The following ODR4 variants were observed in gnomAD, a reference collection of about 807,000 sequenced individuals.
ODR4 encodes protein odr-4 homolog.
Under a neutral mutation model 60.2 loss-of-function variants are expected in ODR4, and 47 were observed. That is an observed-to-expected ratio of 0.78 (90% CI 0.62 to 1.00). The LOEUF (loss-of-function observed/expected upper bound fraction) is 1.00, where lower values mean the gene tolerates loss of function less well. Ranked by LOEUF, ODR4 falls within the 50% of genes least tolerant of loss-of-function variation. The pLI is 0.00. For synonymous variants in ODR4, 178 were observed against 175.5 expected, an observed-to-expected ratio of 1.01 and a Z score of -0.11; for missense variants, 488 against 530.8, an observed-to-expected ratio of 0.92 and a Z score of 0.79.
chr1:186,427,658 A>C, the ODR4 span, among the ~76,000 whole-genome samples: 1 of 152,258 alleles, frequency 6.6e-6, no homozygotes, highest in East Asian at 1.9e-4. Context: ...TGACATGTAG[A>C]ATGATTAAGC....
chr1:186,430,766 A>G, the ODR4 span, among the ~76,000 whole-genome samples: 1 of 152,124 alleles, frequency 6.6e-6, no homozygotes, highest in Admixed American at 6.5e-5. Context: ...TTTGATCTTT[A>G]AGTGGGAACA....
chr1:186,407,700 G>A (rs1193421367), intron 12 of ODR4, among the ~76,000 whole-genome samples: 1 of 152,076 alleles, frequency 6.6e-6, no homozygotes, highest in Non-Finnish European at 1.5e-5. Context: ...CTTTAAATTT[G>A]AGAGCAACTA....
intron 10 of ODR4, 147 bp downstream of exon 10, chr1:186,398,588 A>G (rs1660789983): frequency 3.7e-6 from 3 of 806,142 alleles, no homozygotes. Context: ...GTACCATATA[A>G]TTGGTGTGAA....
chr1:186,407,687 A>C (rs1476728235), intron 12 of ODR4, among the ~76,000 whole-genome samples: 1 of 152,192 alleles, frequency 6.6e-6, no homozygotes, highest in Non-Finnish European at 1.5e-5. Flanking sequence ...CACTGAGACC[A>C]TGCTTTAAAT....
At chr1:186,398,492 A>C in intron 10 of ODR4, 51 bp downstream of exon 10, 1 of 1,503,264 alleles carries the variant, frequency 6.7e-7, no homozygotes. Context: ...ATTAACAAAA[A>C]CCTAAAATTT....
chr1:186,427,620 T>G, the ODR4 span, among the ~76,000 whole-genome samples: 1 of 152,244 alleles, frequency 6.6e-6, no homozygotes, highest in Non-Finnish European at 1.5e-5. Flanking sequence ...TATTTTCACC[T>G]GCTTCCATGA....
intron 12 of ODR4, among the ~76,000 whole-genome samples, chr1:186,410,715 C>G (rs548876407): frequency 6.6e-6 from 1 of 152,084 alleles, no homozygotes; most frequent in Admixed American, 6.5e-5. Context: ...TTTGGCATTC[C>G]TGTATTAAAA....
chr1:186,383,716 T>C (rs576743041), intron 3 of ODR4, among the ~76,000 whole-genome samples: 7 of 148,844 alleles, frequency 4.7e-5, no homozygotes, highest in Admixed American at 2.7e-4. Flanking sequence ...TATTTGTGTC[T>C]GTGTATGTGT....
intron 9 of ODR4, among the ~76,000 whole-genome samples, chr1:186,396,947 T>C (rs982997825): frequency 1.3e-5 from 2 of 152,162 alleles, no homozygotes; most frequent in African/African-American, 4.8e-5. Flanking sequence ...CCCACCTTAT[T>C]GATGTATCAA....
chr1:186,390,580 A>G, intron 6 of ODR4, 131 bp from the exon 7 acceptor site: 1 of 891,384 alleles, frequency 1.1e-6, no homozygotes, highest in Non-Finnish European at 1.7e-6. Context: ...CTTTTGATCA[A>G]GGGTTTAGCC....
At chr1:186,398,146 T>C (rs1484291398) in intron 9 of ODR4, among the ~76,000 whole-genome samples, 167 bp from the exon 10 acceptor site, 2 of 152,194 alleles carry the variant, frequency 1.3e-5, no homozygotes, top group African/African-American at 4.8e-5. Flanking sequence ...ATATAACTTA[T>C]AAAAACAAAT....
At chr1:186,401,590 T>G in intron 11 of ODR4, 1 of 155,306 alleles carries the variant, frequency 6.4e-6, no homozygotes. Flanking sequence ...TTCCCTCCCC[T>G]TCCCTCCCTT....
At chr1:186,407,454 T>A (rs1661214336) in intron 12 of ODR4, among the ~76,000 whole-genome samples, 1 of 152,116 alleles carries the variant, frequency 6.6e-6, no homozygotes, top group African/African-American at 2.4e-5. Flanking sequence ...TTCTCTATCG[T>A]TAAGGCCTAG....
At chr1:186,377,413 C>T (rs1571653067) in intron 1 of ODR4, among the ~76,000 whole-genome samples, 1 of 152,242 alleles carries the variant, frequency 6.6e-6, no homozygotes, top group South Asian at 2.1e-4. Context: ...AATCAGATTT[C>T]ATAATTGAAT....
intron 11 of ODR4, among the ~76,000 whole-genome samples, chr1:186,402,305 TCTC>T (rs769725212): frequency 6.7e-6 from 1 of 150,096 alleles, no homozygotes; most frequent in Non-Finnish European, 1.5e-5. Flanking sequence ...CCTTCTCTCC[TCTC>T]CTCTTTTCTC....
At chr1:186,427,748 T>C in the ODR4 span, among the ~76,000 whole-genome samples, 8 of 152,234 alleles carry the variant, frequency 5.3e-5, no homozygotes, top group Admixed American at 1.3e-4. Context: ...CCTTACAAAA[T>C]GTATTTCTTA....
At position 186,419,760 on chromosome 1, in the gene ODR4, T is replaced by C; in HGVS notation, c.*684T>C. 1 of 152,094 alleles carries C rather than the reference T, an allele frequency of 6.6e-6. No homozygotes were observed. The highest frequency in any genetic ancestry group is 2.1e-4 in the South Asian group (1 of 4,824). The allele number at this position is 152,094 out of a possible 1,614,324, so 9.4% of individuals were successfully genotyped here. ...AAAAAAAGAATAATAATTTGAACAG[T>C]GAATGTTGATGTAACATCTTAATAA... On this transcript the variant is annotated 3_prime_UTR_variant, in exon 14 of 14. Transcript: ENST00000287859.
intron 1 of ODR4, among the ~76,000 whole-genome samples, chr1:186,377,531 T>C (rs536309928): frequency 1.3e-5 from 2 of 152,226 alleles, no homozygotes; most frequent in African/African-American, 2.4e-5. Context: ...TTAGAATTAC[T>C]TGTATTTGTT....
At chr1:186,424,627 G>A (rs910669970), downstream of ODR4, among the ~76,000 whole-genome samples, 1 of 151,914 alleles carries the variant, frequency 6.6e-6, no homozygotes, top group Non-Finnish European at 1.5e-5. Flanking sequence ...TGCGCCACAT[G>A]ATGGTGACTT....
Sources: allele counts gnomAD v4.1 joint callset (sites outside exome capture counted in the v4.1 genomes callset), GRCh38; gene constraint gnomAD v4.1.1; transcripts MANE v1.5; gene names NCBI Gene and HGNC (gene_info 2026-07-23, HGNC 2026-07-21).